TULP3: variants seen among roughly 807,000 people sequenced by gnomAD.
The protein encoded by TULP3 is tubby-related protein 3.
A neutral mutation model predicts 50.7 loss-of-function variants in TULP3; 38 were observed. The observed-to-expected ratio is 0.75, with a 90% CI of 0.58 to 0.98. The LOEUF (loss-of-function observed/expected upper bound fraction) is 0.98. Among genes scored for constraint, TULP3 ranks in the 50% least tolerant of loss-of-function variants. The pLI, the probability that TULP3 is intolerant of heterozygous loss-of-function variation, is 0.00. For missense variants in TULP3, 550 were observed against 568.0 expected, an observed-to-expected ratio of 0.97 and a Z score of 0.32; for synonymous variants, 183 against 196.6, an observed-to-expected ratio of 0.93 and a Z score of 0.58.
At chr12:2,916,294 G>A (rs953239191) in intron 2 of TULP3, among the ~76,000 whole-genome samples, 1 of 152,174 alleles carries the variant, frequency 6.6e-6, no homozygotes, top group Non-Finnish European at 1.5e-5. Flanking sequence ...GAGCCACTGC[G>A]CCGGTCAGAG....
intron 10 of TULP3, among the ~76,000 whole-genome samples, chr12:2,938,781 A>G (rs1467490982): frequency 2.6e-5 from 4 of 151,740 alleles, no homozygotes; most frequent in South Asian, 4.2e-4. Flanking sequence ...AACCTGTCTC[A>G]GAAAAAAATA....
intron 6 of TULP3, among the ~76,000 whole-genome samples, chr12:2,932,936 T>C (rs1472632953): frequency 6.6e-6 from 1 of 151,050 alleles, no homozygotes; most frequent in African/African-American, 2.4e-5. Flanking sequence ...TGAATTATTT[T>C]ATTTTTATTT....
At chr12:2,937,095 A>G (rs1669569202) in intron 8 of TULP3, among the ~76,000 whole-genome samples, 1 of 146,188 alleles carries the variant, frequency 6.8e-6, no homozygotes, top group African/African-American at 2.6e-5. Flanking sequence ...ACAGAGCGTG[A>G]CTCTGTCTCA....
intron 7 of TULP3, among the ~76,000 whole-genome samples, chr12:2,933,845 GAGGCTGA>G (rs1457440848): frequency 9.9e-5 from 15 of 152,130 alleles, no homozygotes; most frequent in Admixed American, 9.8e-4. Context: ...AGCTACCCGG[GAGGCTGA>G]AGCACGAGAA....
chr12:2,937,562 T>C (rs1019301930), intron 8 of TULP3, 69 bp from the exon 9 acceptor site: 1 of 1,086,964 alleles, frequency 9.2e-7, no homozygotes, highest in African/African-American at 1.6e-5. Context: ...GAAAGTCTCA[T>C]GTTATAAAAG....
intron 1 of TULP3, among the ~76,000 whole-genome samples, chr12:2,896,808 A>G (rs561371577): frequency 1.3e-5 from 2 of 152,246 alleles, no homozygotes; most frequent in South Asian, 4.1e-4. Context: ...TATGAGTTTC[A>G]TATCTGTCTG....
intron 1 of TULP3, among the ~76,000 whole-genome samples, chr12:2,903,521 C>G (rs2098180411): frequency 6.7e-6 from 1 of 149,276 alleles, no homozygotes; most frequent in South Asian, 2.1e-4. Flanking sequence ...AAGATCACGC[C>G]ACTGCACTGC....
In TULP3 at chr12:2,939,050, G is replaced by C. The variant is rs1208939845; in HGVS notation, c.1196-261G>C. 6.6e-6 allele frequency among the ~76,000 whole-genome samples: 1 copy of C among 151,898 alleles called. No individual in the cohort carries two copies. The highest frequency in any genetic ancestry group is 2.4e-5 in the African/African-American group (1 of 41,344). ...GAGACCAGCTTGAGCAACATAGTGA[G>C]ACCCTATCTTCACAAAAAGTAAAAT... On this transcript the variant is annotated intron_variant, in intron 10 of 10. Coordinates refer to ENST00000448120, the MANE Select transcript of TULP3 (RefSeq NM_003324.5). This position sits in a 1 kb window ranked among gnomAD's most constrained non-coding sequence, Gnocchi z 4.0.
At chr12:2,925,028 T>C (rs2098193918) in intron 4 of TULP3, among the ~76,000 whole-genome samples, 1 of 151,530 alleles carries the variant, frequency 6.6e-6, no homozygotes, top group African/African-American at 2.4e-5. Context: ...ATTAGCCAGG[T>C]GTGGTGGCGG....
At chr12:2,895,909 C>CGT (rs3056910) in intron 1 of TULP3, among the ~76,000 whole-genome samples, 71,845 of 151,278 alleles carry the variant, frequency 0.47, 17,486 homozygotes, top group African/African-American at 0.59. Context: ...TAAGTATTAG[C>CGT]ATATCTAAAC....
chr12:2,892,810 C>T (rs1399366228), intron 1 of TULP3, among the ~76,000 whole-genome samples: 5 of 151,612 alleles, frequency 3.3e-5, no homozygotes, highest in African/African-American at 1.2e-4. Context: ...GCGCCTGGCC[C>T]CCTCCTTGTT....
Position 2,940,919 on chromosome 12 carries a change from GA to G in TULP3, c.*1476del. 1.7e-6 allele frequency: 1 copy of G among 582,958 alleles called. No homozygotes were observed. The highest frequency in any genetic ancestry group is 2.2e-5 in the South Asian group (1 of 44,608). 36.1% of individuals were successfully genotyped at this position (582,958 alleles called of 1,614,324 possible). On this transcript the variant is annotated 3_prime_UTR_variant, in exon 11 of 11. Transcript: ENST00000448120. ...CCCCATCCTGAGGCACTGCCTGGCA[GA>G]TAACCCTGGTTGGCCACAGAAGCTA...
rs766093994 is a variant in TULP3, at chr12:2,939,273, C to T, written c.1196-38C>T. On this transcript the variant is annotated intron_variant, in intron 10 of 10. Transcript: ENST00000448120. The surrounding 1 kb of genome is among the most constrained non-coding windows in gnomAD (Gnocchi z 4.0). ...AAAAAGATTTCCCTGAGTGCAACCA[C>T]ATTATATTCTAACATGTTGATTTCT... 2 of 1,603,468 alleles carry T rather than the reference C, an allele frequency of 1.2e-6. No individual in the cohort carries two copies. Among genetic ancestry groups the T allele is most frequent in the Non-Finnish European group, 1.7e-6 (2 of 1,172,948 alleles).
intron 1 of TULP3, 46 bp downstream of exon 1, chr12:2,891,034 G>T (rs376292929): frequency 5.5e-4 from 831 of 1,511,856 alleles, no homozygotes; most frequent in Non-Finnish European, 5.9e-4. Context: ...AGGCGGAGGG[G>T]CGAAGCGAGA....
intron 10 of TULP3, among the ~76,000 whole-genome samples, 178 bp downstream of exon 10, chr12:2,938,463 TGAGGAGGGGA>T (rs2153950695): frequency 6.6e-6 from 1 of 152,120 alleles, no homozygotes; most frequent in African/African-American, 2.4e-5. Context: ...ATCACTGTGT[TGAGGAGGGGA>T]GAGGAGTGTG....
At chr12:2,927,201 G>A (rs952117165) in intron 4 of TULP3, among the ~76,000 whole-genome samples, 8 of 151,914 alleles carry the variant, frequency 5.3e-5, no homozygotes, top group Admixed American at 3.9e-4. Context: ...ACAAGTGTCC[G>A]TACTCCATTC....
rs940693014 is a variant in TULP3 at position 2,930,517 on chromosome 12, G to A, written c.492+172G>A. ...CAGCTCACTGCAAACTCCGCCTCCCGGGTTCACGCCATTCTCCTGCCTCAA... is the reference window on the plus strand; with the variant it reads ...CAGCTCACTGCAAACTCCGCCTCCCAGGTTCACGCCATTCTCCTGCCTCAA... On this transcript the variant is annotated intron_variant, in intron 5 of 10. Coordinates refer to ENST00000448120, the MANE Select transcript of TULP3 (RefSeq NM_003324.5). Among the ~76,000 whole-genome samples, 6 of 152,154 alleles carry A rather than the reference G, an allele frequency of 3.9e-5. No homozygotes were observed. The East Asian group carries it at 1.2e-3, about 29-fold the overall frequency.
chr12:2,900,304 T>A (rs1309814975), intron 1 of TULP3, among the ~76,000 whole-genome samples: 1 of 152,186 alleles, frequency 6.6e-6, no homozygotes, highest in Non-Finnish European at 1.5e-5. Flanking sequence ...TCCTTTCTCC[T>A]CAATTTCATT....
intron 1 of TULP3, among the ~76,000 whole-genome samples, chr12:2,901,341 G>A (rs1488634686): frequency 1.5e-4 from 21 of 143,686 alleles, no homozygotes; most frequent in African/African-American, 5.5e-4. Flanking sequence ...TAGAGACAGG[G>A]CCTCCTTATA....
Sources: allele counts gnomAD v4.1 joint callset (sites outside exome capture counted in the v4.1 genomes callset), GRCh38; gene constraint gnomAD v4.1.1; non-coding constraint Gnocchi (gnomAD v3.1); transcripts MANE v1.5; gene names NCBI Gene and HGNC (gene_info 2026-07-23, HGNC 2026-07-21).